Variants in SRRM2 observed in about 807,000 individuals in gnomAD.
The protein encoded by SRRM2 is serine/arginine repetitive matrix 2.
Under a neutral mutation model 213.8 loss-of-function variants are expected in SRRM2, and 30 were observed. The ratio of observed to expected loss-of-function variants is 0.14; its 90% CI spans 0.10 to 0.19. SRRM2 has a LOEUF of 0.19. SRRM2 is among the 10% of genes least tolerant of loss of function. The probability of loss-of-function intolerance (pLI) is 1.00; values close to 1 mark genes in which losing one functional copy is unlikely to be tolerated. For missense variants in SRRM2, 4,904 were observed against 3,647.0 expected, an observed-to-expected ratio of 1.34 and a Z score of -8.88; for synonymous variants, 2,025 against 1,377.7, an observed-to-expected ratio of 1.47 and a Z score of -10.40.
chr16:2,768,302 T>A, intron 11 of SRRM2, 41 bp downstream of exon 11: 1 of 1,513,088 alleles, frequency 6.6e-7, no homozygotes, highest in Non-Finnish European at 8.8e-7. Context: ...GTGGGGGAGG[T>A]ATTGGGGATG....
At chr16:2,768,643 C>A in intron 11 of SRRM2, 1 of 640,792 alleles carries the variant, frequency 1.6e-6, no homozygotes, top group South Asian at 1.5e-5. Flanking sequence ...ACGGCCCCTT[C>A]CCCAGCCAAC....
rs1487425919 is a variant in SRRM2, at chr16:2,767,286, C to T, written c.6758C>T (p.Ala2253Val). The change falls in exon 11 of 15, where the codon GCA (alanine) becomes GTA (valine). Residue 2253 changes from alanine to valine, a missense_variant. By Grantham distance (64) the Ala-to-Val change is moderately conservative (BLOSUM62 0). Transcript: ENST00000301740. The part of the protein sequence containing the change: ...ASARTPAIPT[A>V]VNLADSRTPA... The stretch of plus-strand genomic sequence containing the variant: ...GCCAGGACACCTGCCATTCCAACAG[C>T]AGTGAACCTGGCTGACTCTCGAACG... 4 of 1,613,984 alleles carry T rather than the reference C, an allele frequency of 2.5e-6. No homozygotes were observed. In the Admixed American group the frequency reaches 6.7e-5, roughly 27 times the overall value.
rs1360038127 is a variant in SRRM2 at position 2,762,628 on chromosome 16, A to G, written c.2100A>G (p.Gly700=). Residue 700 remains glycine, a synonymous_variant, in exon 11 of 15, where the codon GGA becomes GGG. Transcript: ENST00000301740. ...GRSRSRTPRR[G]RSRSRSLVRR... ...CTCGGTCTAGGACACCAAGACGAGG[A>G]AGATCCCGCAGTAGAAGCTTAGTTA... 1 of 1,614,176 alleles carries G rather than the reference A, an allele frequency of 6.2e-7. No homozygotes were observed. Among genetic ancestry groups the G allele is most frequent in the Non-Finnish European group, 8.5e-7 (1 of 1,180,018 alleles).
chr16:2,760,016 G>C (rs1446274747), intron 9 of SRRM2: 4 of 553,508 alleles, frequency 7.2e-6, no homozygotes, highest in Non-Finnish European at 1.3e-5. Context: ...GAGGTGAGTT[G>C]TGAATGAAGC....
Position 2,763,996 on chromosome 16 carries a change from G to C in SRRM2, c.3468G>C (p.Gln1156His), listed in dbSNP as rs769741112. 4 of 1,614,212 alleles carry C rather than the reference G, an allele frequency of 2.5e-6. No individual in the cohort carries two copies. In the Admixed American group the frequency reaches 6.7e-5, roughly 27 times the overall value. ...TGGACTCGAATTCTCTCTTGGGGCA[G>C]AGTAGATTGGAGACTGCTGAATCAA... The part of the protein sequence containing the change: ...PTVDSNSLLG[Q>H]SRLETAESKE... Residue 1156 changes from glutamine to histidine, a missense_variant, in exon 11 of 15, where the codon CAG (glutamine) becomes CAC (histidine). Gln to His is a conservative substitution (Grantham distance 24). Coordinates refer to ENST00000301740, the MANE Select transcript of SRRM2 (RefSeq NM_016333.4).
intron 1 of SRRM2, among the ~76,000 whole-genome samples, chr16:2,753,858 T>A (rs576346333): frequency 5.0e-4 from 76 of 152,350 alleles, no homozygotes; most frequent in South Asian, 3.3e-3. Flanking sequence ...CTGAGCTGGC[T>A]GTGCTTGCTG....
At chr16:2,759,975 C>T (rs578069811) in intron 9 of SRRM2, 32 of 524,968 alleles carry the variant, frequency 6.1e-5, no homozygotes, top group Non-Finnish European at 8.9e-5. Context: ...CTTCCTTAAT[C>T]GGGGAAGGCT....
Position 2,765,966 on chromosome 16 carries a change from G to A in SRRM2, c.5438G>A (p.Arg1813Gln), listed in dbSNP as rs751350898. The stretch of plus-strand genomic sequence containing the variant: ...CGGTCAAGGTCGCGGGTTACTCGGC[G>A]GCGGAGGGGAGGCTCTGGTTATCAC... ...RSRSRSRVTR[R>Q]RRGGSGYHSR... is the part of the protein sequence containing the mutation. Residue 1813 changes from arginine (R) to glutamine (Q), a missense_variant, in exon 11 of 15, where the codon CGG becomes CAG. Physicochemically the swap from Arg to Gln is conservative, Grantham distance 43. Transcript: ENST00000301740. 45 of 1,614,010 alleles carry A rather than the reference G, an allele frequency of 2.8e-5. 1 individual carries two copies. Among genetic ancestry groups the A allele is most frequent in the Middle Eastern group, 3.3e-4 (2 of 6,084 alleles).
At chr16:2,753,190 C>CAAAA (rs1377287495) in intron 1 of SRRM2, among the ~76,000 whole-genome samples, 1 of 151,566 alleles carries the variant, frequency 6.6e-6, no homozygotes, top group East Asian at 2.0e-4. Flanking sequence ...CTGCCGTTTT[C>CAAAA]GGCCCTTAAG....
chr16:2,769,215 C>G lies in SRRM2; in HGVS notation c.7952C>G (p.Pro2651Arg). The change falls in exon 12 of 15, where the codon CCT becomes CGT. Residue 2651 changes from proline to arginine, a missense_variant. By Grantham distance (103) the Pro-to-Arg change is moderately radical. Coordinates refer to ENST00000301740, the MANE Select transcript of SRRM2 (RefSeq NM_016333.4). ...TCCTCGTCGTCTTCCTCCCCTTCCC[C>G]TGCTAAGCCTGGCCCTCAGGCCTTG... ...SSSSSSSSPS[P>R]AKPGPQALPK... The G allele has an allele frequency of 6.2e-7, 1 of 1,600,254 alleles. No homozygotes were observed. Among genetic ancestry groups the G allele is most frequent in the African/African-American group, 1.3e-5 (1 of 74,972 alleles).
rs762227717 is a variant in SRRM2 at position 2,763,473 on chromosome 16, A to T, written c.2945A>T (p.Glu982Val). 2 of 1,614,080 alleles carry T rather than the reference A, an allele frequency of 1.2e-6. No individual in the cohort carries two copies. Among genetic ancestry groups the T allele is most frequent in the Non-Finnish European group, 1.7e-6 (2 of 1,180,052 alleles). ...SSSPDTKVKP[E>V]TPPRQSHSGS... ...TCACCAGATACCAAAGTGAAACCTGAAACACCGCCAAGACAAAGTCACTCA... is the reference window on the plus strand; with the variant it reads ...TCACCAGATACCAAAGTGAAACCTGTAACACCGCCAAGACAAAGTCACTCA... Residue 982 changes from glutamate to valine, a missense_variant, in exon 11 of 15, where the codon GAA becomes GTA. Coordinates refer to ENST00000301740, the MANE Select transcript of SRRM2 (RefSeq NM_016333.4).
At position 2,770,768 on chromosome 16, in the gene SRRM2, T is replaced by C. The variant is rs2068718157; in HGVS notation, c.8249+51T>C. The C allele has an allele frequency of 1.9e-6, 3 of 1,601,408 alleles. No homozygotes were observed. The African/African-American group carries it at 4.0e-5, about 21-fold the overall frequency. On this transcript the variant is annotated intron_variant, in intron 14 of 14. Transcript: ENST00000301740. Reference sequence around the variant, plus strand: ...CCCTTCCGGGAGCCAGTTGTGGTGGTGGGTGGCGGCCCCATTTTGGGAGTG... The same window carrying C: ...CCCTTCCGGGAGCCAGTTGTGGTGGCGGGTGGCGGCCCCATTTTGGGAGTG...
Position 2,769,138 on chromosome 16 carries a change from CTCTTCTTCCTCCTCCTCTTCCTCTTCT to C in SRRM2, c.7890_7916del (p.Ser2640_Ser2648del), listed in dbSNP as rs1567247514. On this transcript the variant is annotated inframe_deletion, in exon 12 of 15. Transcript: ENST00000301740. ...CATCTTCCTCCTCCTCCTCCTCCTC[CTCTTCTTCCTCCTCCTCTTCCTCTTCT>C]TCTTCTTCCTCCTCATCTTCCTCCT... 3 of 1,556,448 alleles carry C rather than the reference CTCTTCTTCCTCCTCCTCTTCCTCTTCT, an allele frequency of 1.9e-6. No individual in the cohort carries two copies. Among genetic ancestry groups the C allele is most frequent in the South Asian group, 1.1e-5 (1 of 88,934 alleles).
chr16:2,762,874 T>C lies in SRRM2; in HGVS notation c.2346T>C (p.Ser782=). Residue 782 remains serine, a synonymous_variant, in exon 11 of 15, where the codon TCT becomes TCC. Coordinates refer to ENST00000301740, the MANE Select transcript of SRRM2 (RefSeq NM_016333.4). ...CTTTGAGGCGCAGCCTTTCAGGGTC[T>C]TCCCCATGCCCTAAACAAAAGTCAC... ...RLSLRRSLSG[S]SPCPKQKSQT... 6.2e-7 allele frequency: 1 copy of C among 1,614,122 alleles called. No homozygotes were observed. The highest frequency in any genetic ancestry group is 8.5e-7 in the Non-Finnish European group (1 of 1,180,004).
rs1245648095 is a variant in SRRM2 at position 2,769,737 on chromosome 16, A to T, written c.8021+453A>T. 5 of 470,044 alleles carry T rather than the reference A, an allele frequency of 1.1e-5. No homozygotes were observed. The Admixed American group carries it at 1.2e-4, about 11-fold the overall frequency. 29.1% of individuals were successfully genotyped at this position (470,044 alleles called of 1,614,324 possible). On this transcript the variant is annotated intron_variant, in intron 12 of 14. Coordinates refer to ENST00000301740, the MANE Select transcript of SRRM2 (RefSeq NM_016333.4). ...CCCTCCACTCCACAAATCCTTCGGG[A>T]CGCCCTGTGGCCTGCAGGACAAAGC...
Position 2,769,180 on chromosome 16 carries a change from ATCTTCCTCCTCCTCGTCG to A in SRRM2, c.7927_7944del (p.Ser2643_Ser2648del). On this transcript the variant is annotated inframe_deletion, in exon 12 of 15. Transcript: ENST00000301740. ...CTTCCTCTTCTTCTTCTTCCTCCTC[ATCTTCCTCCTCCTCGTCG>A]TCTTCCTCCCCTTCCCCTGCTAAGC... is the stretch of plus-strand genomic sequence containing the variant. 5.0e-6 allele frequency: 8 copies of A among 1,605,396 alleles called. No homozygotes were observed. The highest frequency in any genetic ancestry group is 6.0e-6 in the Non-Finnish European group (7 of 1,176,000).
chr16:2,770,101 C>T, intron 12 of SRRM2: 1 of 1,391,542 alleles, frequency 7.2e-7, no homozygotes, highest in Non-Finnish European at 9.4e-7. Context: ...GCGTGCCTTT[C>T]TTCACCACTG....
chr16:2,761,555 T>G lies in SRRM2; in HGVS notation c.1033-6T>G. 6.7e-7 allele frequency: 1 copy of G among 1,500,024 alleles called. No individual in the cohort carries two copies. The highest frequency in any genetic ancestry group is 8.9e-7 in the Non-Finnish European group (1 of 1,125,810). 92.9% of individuals were successfully genotyped at this position (1,500,024 alleles called of 1,614,324 possible). A position where few individuals can be genotyped will look rare whatever the true frequency, so the allele number is the denominator to read the frequency against. On this transcript the variant is annotated splice_polypyrimidine_tract_variant and splice_region_variant and intron_variant, in intron 10 of 14. Coordinates refer to ENST00000301740, the MANE Select transcript of SRRM2 (RefSeq NM_016333.4). ...TCCCTATCCCTGCTCTCTCTTCCAC[T>G]CTTAGAAATCTGCAACTCGACCTAG... is the stretch of plus-strand genomic sequence containing the variant.
At chr16:2,753,122 G>T (rs2067996097) in intron 1 of SRRM2, among the ~76,000 whole-genome samples, 1 of 151,548 alleles carries the variant, frequency 6.6e-6, no homozygotes, top group South Asian at 2.1e-4. Context: ...GGGGGAGGGC[G>T]CGCGCCTCGG....
Sources: gnomAD v4.1 joint callset for allele counts (sites outside exome capture counted in the v4.1 genomes callset) on GRCh38, gnomAD v4.1.1 for gene constraint, MANE v1.5 for transcripts, NCBI Gene and HGNC (gene_info 2026-07-23, HGNC 2026-07-21) for gene names.